Variants in NSFL1C observed in about 807,000 individuals in gnomAD.
NSFL1C encodes NSFL1 cofactor.
In NSFL1C, 14 loss-of-function variants were observed where a neutral mutation model predicts 43.1. The ratio of observed to expected loss-of-function variants is 0.32; its 90% CI spans 0.21 to 0.51. The LOEUF is 0.51. Among genes scored for constraint, NSFL1C ranks in the 20% least tolerant of loss-of-function variants. NSFL1C has a pLI of 0.98. For missense variants in NSFL1C, 406 were observed against 472.5 expected (o/e 0.86, Z 1.30); for synonymous variants, 171 against 183.5 (o/e 0.93, Z 0.55).
At chr20:1,466,620 G>T in intron 1 of NSFL1C, 100 bp downstream of exon 1, 4 of 1,145,406 alleles carry the variant, frequency 3.5e-6, no homozygotes, top group South Asian at 1.4e-5. Flanking sequence ...GCGGTAGAGC[G>T]GGGATGACTG....
chr20:1,444,470 T>C (rs1430198500), intron 8 of NSFL1C, among the ~76,000 whole-genome samples: 1 of 152,260 alleles, frequency 6.6e-6, no homozygotes, highest in African/African-American at 2.4e-5. Context: ...CAGAAATTAA[T>C]GGTCAACTTC....
At chr20:1,458,171 G>A (rs781591580) in intron 3 of NSFL1C, 29 bp downstream of exon 3, 3 of 1,579,342 alleles carry the variant, frequency 1.9e-6, no homozygotes, top group Admixed American at 1.7e-5. Context: ...CCTGTGAACT[G>A]TCCCCCTGAC....
chr20:1,454,351 A>T (rs1448635101), intron 4 of NSFL1C, 46 bp from the exon 5 acceptor site: 1 of 1,282,990 alleles, frequency 7.8e-7, no homozygotes, highest in Non-Finnish European at 1.1e-6. Context: ...GGTCCATGGT[A>T]CAAGGGTTAC....
At chr20:1,458,177 C>T in intron 3 of NSFL1C, 23 bp downstream of exon 3, 1 of 1,601,204 alleles carries the variant, frequency 6.2e-7, no homozygotes, top group Non-Finnish European at 8.6e-7. Context: ...AACTGTCCCC[C>T]TGACCCCCTC....
At chr20:1,447,235 T>C (rs1410397131) in intron 7 of NSFL1C, among the ~76,000 whole-genome samples, 1 of 152,104 alleles carries the variant, frequency 6.6e-6, no homozygotes, top group Non-Finnish European at 1.5e-5. Flanking sequence ...GGACACACAG[T>C]TTAAATGACA....
rs1248407894 is a variant in NSFL1C, at chr20:1,443,486, C to A, written c.*263G>T. The A allele has an allele frequency of 5.8e-6, 2 of 345,924 alleles. No individual in the cohort carries two copies. Among genetic ancestry groups the A allele is most frequent in the African/African-American group, 4.1e-5 (2 of 48,694 alleles). The allele number at this position is 345,924 out of a possible 1,614,324, so 21.4% of individuals were successfully genotyped here. ...CTGCTTCAGTGGGAGAGTTTCCGTA[C>A]AACATGCTGGTGATATTCCTTCAAT... is the stretch of plus-strand genomic sequence containing the variant. On this transcript the variant is annotated 3_prime_UTR_variant, in exon 9 of 9. Coordinates refer to ENST00000216879, the MANE Select transcript of NSFL1C (RefSeq NM_016143.5).
At chr20:1,444,480 C>A (rs369945166) in intron 8 of NSFL1C, among the ~76,000 whole-genome samples, 1 of 152,356 alleles carries the variant, frequency 6.6e-6, no homozygotes, top group African/African-American at 2.4e-5. Flanking sequence ...TGGTCAACTT[C>A]TCAGGGCCAG....
chr20:1,459,944 T>G (rs1460780243), intron 2 of NSFL1C, among the ~76,000 whole-genome samples: 2 of 152,270 alleles, frequency 1.3e-5, no homozygotes, highest in African/African-American at 4.8e-5. Context: ...TGTGTACACT[T>G]GCTTGGGCAA....
chr20:1,466,448 G>C (rs1339104001), intron 1 of NSFL1C, among the ~76,000 whole-genome samples: 1 of 152,178 alleles, frequency 6.6e-6, no homozygotes, highest in African/African-American at 2.4e-5. Context: ...TCTCCTCGCC[G>C]GCTGCCGCAG....
chr20:1,461,985 G>T (rs980582160), intron 2 of NSFL1C, among the ~76,000 whole-genome samples: 24 of 152,090 alleles, frequency 1.6e-4, no homozygotes, highest in Non-Finnish European at 2.9e-5. Flanking sequence ...GGACTCTCTT[G>T]CCACAAAAGA....
At chr20:1,450,183 A>G (rs2090155616) in intron 7 of NSFL1C, among the ~76,000 whole-genome samples, 1 of 152,244 alleles carries the variant, frequency 6.6e-6, no homozygotes, top group Non-Finnish European at 1.5e-5. Context: ...ATTTTCAGGA[A>G]AAATTTCAAG....
chr20:1,459,335 C>T (rs546061042), intron 2 of NSFL1C, among the ~76,000 whole-genome samples: 1 of 152,312 alleles, frequency 6.6e-6, no homozygotes, highest in African/African-American at 2.4e-5. Flanking sequence ...ATGCTTTCTC[C>T]TGCCACCATG....
At chr20:1,454,187 C>T (rs1244369281) in intron 5 of NSFL1C, 26 bp downstream of exon 5, 5 of 1,575,500 alleles carry the variant, frequency 3.2e-6, no homozygotes, top group Non-Finnish European at 4.4e-6. Context: ...CACAAGCTTC[C>T]CTCATGGGAA....
At chr20:1,463,139 G>A (rs779345557) in intron 2 of NSFL1C, among the ~76,000 whole-genome samples, 34 of 152,142 alleles carry the variant, frequency 2.2e-4, no homozygotes, top group Non-Finnish European at 4.6e-4. Context: ...ATAAACCACT[G>A]CCTTAATAGA....
intron 7 of NSFL1C, chr20:1,446,036 C>T: frequency 1.6e-6 from 1 of 607,762 alleles, no homozygotes; most frequent in Non-Finnish European, 2.9e-6. Flanking sequence ...TCATATATTT[C>T]ATACGTTATT....
rs749013377 is a variant in NSFL1C at position 1,466,800 on chromosome 20, G to A, written c.25C>T (p.Leu9=). The change falls in exon 1 of 9, where the codon CTG becomes TTG. Residue 9 remains leucine, a synonymous_variant. Transcript: ENST00000216879. ...CCCGTCACCGCCACGAACTCCCTCA[G>A]CGCCTCCTGTCGCTCCGCCGCCATC... MAAERQEA[L]REFVAVTGAE... The A allele has an allele frequency of 4.2e-5, 65 of 1,554,776 alleles. No individual in the cohort carries two copies. The South Asian group carries it at 4.8e-4, about 12-fold the overall frequency.
chr20:1,461,073 G>A (rs561587918), intron 2 of NSFL1C, among the ~76,000 whole-genome samples: 1 of 152,318 alleles, frequency 6.6e-6, no homozygotes, highest in South Asian at 2.1e-4. Flanking sequence ...GAAATGGTAA[G>A]CACCTTACCT....
chr20:1,445,653 C>A lies in NSFL1C; in HGVS notation c.950+13G>T, dbSNP rs753386033. The A allele has an allele frequency of 1.2e-6, 2 of 1,611,768 alleles. No homozygotes were observed. The highest frequency in any genetic ancestry group is 1.7e-5 in the Admixed American group (1 of 59,984). ...CACTCCTAGAATAAGCTAGGCCACA[C>A]AATGCAAGGTACCTGTGGCTGTGGT... On this transcript the variant is annotated intron_variant, in intron 8 of 8. Coordinates refer to ENST00000216879, the MANE Select transcript of NSFL1C (RefSeq NM_016143.5).
intron 4 of NSFL1C, 147 bp from the exon 5 acceptor site, chr20:1,454,452 T>G: frequency 1.6e-6 from 1 of 622,058 alleles, no homozygotes; most frequent in Non-Finnish European, 2.8e-6. Context: ...GCACTTTCTC[T>G]GATATCAGAC....
Sources: gnomAD v4.1 joint callset for allele counts (sites outside exome capture counted in the v4.1 genomes callset) on GRCh38, gnomAD v4.1.1 for gene constraint, MANE v1.5 for transcripts, NCBI Gene and HGNC (gene_info 2026-07-23, HGNC 2026-07-21) for gene names.